The following ITGAX variants were observed in gnomAD, a reference collection of about 807,000 sequenced individuals.
The protein encoded by ITGAX is integrin subunit alpha X.
In ITGAX, 99 loss-of-function variants were observed where a neutral mutation model predicts 140.2. The observed-to-expected ratio is 0.71, with a 90% CI of 0.60 to 0.83. The LOEUF (loss-of-function observed/expected upper bound fraction) is 0.83. ITGAX is among the 40% of genes least tolerant of loss of function. The probability of loss-of-function intolerance (pLI) is 0.00; values close to 1 mark genes in which losing one functional copy is unlikely to be tolerated. For synonymous variants in ITGAX, 631 were observed against 600.4 expected (o/e 1.05, Z -0.75); for missense variants, 1,444 against 1,482.0 (o/e 0.97, Z 0.42).
intron 17 of ITGAX, among the ~76,000 whole-genome samples, chr16:31,372,171 G>GC (rs1555477554): frequency 1.3e-5 from 2 of 151,628 alleles, no homozygotes; most frequent in Admixed American, 6.6e-5. Flanking sequence ...GGTCTGGGGG[G>GC]GGGGAGGAAA....
chr16:31,363,496 T>A, intron 14 of ITGAX, 122 bp downstream of exon 14: 1 of 1,112,716 alleles, frequency 9.0e-7, no homozygotes, highest in Non-Finnish European at 1.3e-6. Flanking sequence ...CTGAGCACCT[T>A]GTAGCAGTGG....
chr16:31,372,482 C>G lies in ITGAX; in HGVS notation c.2265C>G (p.Ala755=). Residue 755 remains alanine, a synonymous_variant, in exon 18 of 30, where the codon GCC becomes GCG. Coordinates refer to ENST00000268296, the MANE Select transcript of ITGAX (RefSeq NM_000887.5). ...AFRNLRPMLA[A]DAQRYFTASL... ...GAAACCTGCGGCCTATGCTGGCCGC[C>G]GATGCTCAGAGATACTTCACGGCCT... The G allele has an allele frequency of 6.2e-7, 1 of 1,607,674 alleles. No homozygotes were observed. Among genetic ancestry groups the G allele is most frequent in the Non-Finnish European group, 8.5e-7 (1 of 1,178,428 alleles).
chr16:31,377,416 C>A (rs2081030911), intron 23 of ITGAX, 151 bp downstream of exon 23: 2 of 637,470 alleles, frequency 3.1e-6, no homozygotes, highest in South Asian at 4.0e-5. Flanking sequence ...TTCCTTCAGC[C>A]AATGCCTTCC....
At chr16:31,356,077 G>A in intron 2 of ITGAX, 79 bp downstream of exon 2, 1 of 1,004,826 alleles carries the variant, frequency 1.0e-6, no homozygotes, top group Non-Finnish European at 1.5e-6. Flanking sequence ...GCCCTGCCCT[G>A]TTATTTGCAA....
At chr16:31,379,906 C>T in intron 25 of ITGAX, 42 bp downstream of exon 25, 1 of 1,608,880 alleles carries the variant, frequency 6.2e-7, no homozygotes, top group East Asian at 2.2e-5. Context: ...AATGCCCTTT[C>T]TACCTGGATT....
intron 23 of ITGAX, 147 bp downstream of exon 23, chr16:31,377,412 C>T (rs2081030854): frequency 3.1e-6 from 2 of 642,588 alleles, no homozygotes; most frequent in Non-Finnish European, 5.4e-6. Context: ...CACCTTCCTT[C>T]AGCCAATGCC....
Position 31,362,963 on chromosome 16 carries a change from G to A in ITGAX, c.1388G>A (p.Cys463Tyr). Residue 463 changes from cysteine (C) to tyrosine (Y), a missense_variant, in exon 13 of 30, where the codon TGC becomes TAC. Transcript: ENST00000268296. ...QIGSYFGASLCSVDVDSDGST... is the reference protein window; with the variant it reads ...QIGSYFGASLYSVDVDSDGST... ...GGCTCCTACTTCGGGGCCTCCCTCT[G>A]CTCCGTGGACGTAGACAGCGACGGC... The A allele has an allele frequency of 6.2e-7, 1 of 1,611,880 alleles. No individual in the cohort carries two copies. The highest frequency in any genetic ancestry group is 8.5e-7 in the Non-Finnish European group (1 of 1,179,828).
intron 17 of ITGAX, 100 bp downstream of exon 17, chr16:31,371,884 C>T: frequency 6.4e-6 from 9 of 1,407,648 alleles, no homozygotes; most frequent in South Asian, 1.3e-5. Context: ...GTGGCTCAGC[C>T]CAGCACAGGA....
intron 7 of ITGAX, 85 bp downstream of exon 7, chr16:31,360,150 G>T (rs1380721919): frequency 1.3e-6 from 2 of 1,559,956 alleles, no homozygotes; most frequent in Admixed American, 1.8e-5. Flanking sequence ...AAGGGGACAG[G>T]CAGGGACCAA....
chr16:31,362,898 C>T, intron 12 of ITGAX, 37 bp from the exon 13 acceptor site: 19 of 1,609,428 alleles, frequency 1.2e-5, no homozygotes, highest in Non-Finnish European at 1.6e-5. Context: ...CTGCCTCTGG[C>T]AGGGACAGGC....
chr16:31,376,386 C>A (rs2081019369), intron 20 of ITGAX, among the ~76,000 whole-genome samples: 2 of 152,036 alleles, frequency 1.3e-5, no homozygotes, highest in Admixed American at 1.3e-4. Context: ...TTTGGGGGGA[C>A]AAGATGGGAG....
intron 9 of ITGAX, 21 bp downstream of exon 9, chr16:31,361,234 T>G: frequency 6.3e-7 from 1 of 1,591,356 alleles, no homozygotes; most frequent in African/African-American, 1.4e-5. Flanking sequence ...AGGGAGCTCT[T>G]CGCTTGGGGA....
chr16:31,360,530 A>G, intron 8 of ITGAX, 67 bp downstream of exon 8: 5 of 1,422,510 alleles, frequency 3.5e-6, no homozygotes, highest in Non-Finnish European at 4.8e-6. Flanking sequence ...CTTTCTGTGT[A>G]TGTTCTTTTC....
Position 31,376,791 on chromosome 16 carries a change from A to T in ITGAX, c.2509-8A>T. 1 of 1,613,074 alleles carries T rather than the reference A, an allele frequency of 6.2e-7. No homozygotes were observed. The highest frequency in any genetic ancestry group is 8.5e-7 in the Non-Finnish European group (1 of 1,179,408). The stretch of plus-strand genomic sequence containing the variant: ...AACTAATACTCCTCTACTTTTTCTC[A>T]TGCCTAGAAACAAGGGCAGCTGCGT... On this transcript the variant is annotated splice_polypyrimidine_tract_variant and splice_region_variant and intron_variant, in intron 20 of 29. Coordinates refer to ENST00000268296, the MANE Select transcript of ITGAX (RefSeq NM_000887.5).
At chr16:31,358,722 AG>A (rs2080788625) in intron 5 of ITGAX, among the ~76,000 whole-genome samples, 1 of 108,256 alleles carries the variant, frequency 9.2e-6, no homozygotes, top group African/African-American at 3.6e-5. Flanking sequence ...GGGAGGAAGG[AG>A]GGGTGGGTCC....
At position 31,359,845 on chromosome 16, in the gene ITGAX, G is replaced by A. The variant is rs202064325; in HGVS notation, c.561+15G>A. The A allele has an allele frequency of 5.0e-4, 799 of 1,614,062 alleles. 1 individual carries two copies. In the African/African-American group the frequency reaches 9.2e-3, roughly 19 times the overall value. On this transcript the variant is annotated intron_variant, in intron 6 of 29. Coordinates refer to ENST00000268296, the MANE Select transcript of ITGAX (RefSeq NM_000887.5). The stretch of plus-strand genomic sequence containing the variant: ...CCAGCACCCAGGTGTGCCTTTGGGG[G>A]AGGGAGGCTGCTGGGGGTGGGTGCT...
intron 14 of ITGAX, 29 bp downstream of exon 14, chr16:31,363,403 G>C (rs371136931): frequency 8.1e-6 from 13 of 1,610,858 alleles, no homozygotes; most frequent in South Asian, 7.7e-5. Flanking sequence ...TCTGTCACTA[G>C]AGCAGCCTGC....
chr16:31,360,013 G>A lies in ITGAX; in HGVS notation c.655G>A (p.Val219Ile). The part of the protein sequence containing the change: ...SSNPLSLLAS[V>I]HQLQGFTYTA... ...AAACCCCCTCAGCCTGTTGGCTTCT[G>A]TTCACCAGCTGCAAGGGTTTACATA... The change falls in exon 7 of 30, where the codon GTT (valine) becomes ATT (isoleucine). Residue 219 changes from valine to isoleucine, a missense_variant. By Grantham distance (29) the Val-to-Ile change is conservative. Transcript: ENST00000268296. 6.2e-7 allele frequency: 1 copy of A among 1,613,724 alleles called. No individual in the cohort carries two copies. The highest frequency in any genetic ancestry group is 1.1e-5 in the South Asian group (1 of 91,084).
chr16:31,372,073 C>T (rs1245441467), intron 17 of ITGAX, among the ~76,000 whole-genome samples: 1 of 151,378 alleles, frequency 6.6e-6, no homozygotes, highest in African/African-American at 2.4e-5. Context: ...ATTCACTGGA[C>T]AGGGGTTTAT....
Sources: gnomAD v4.1 joint callset for allele counts (sites outside exome capture counted in the v4.1 genomes callset) on GRCh38, gnomAD v4.1.1 for gene constraint, MANE v1.5 for transcripts, NCBI Gene and HGNC (gene_info 2026-07-23, HGNC 2026-07-21) for gene names.